Variants in DYNC1I1 observed in about 807,000 individuals in gnomAD.
DYNC1I1 encodes the protein dynein cytoplasmic 1 intermediate chain 1, also known as cytoplasmic dynein 1 intermediate chain 1.
Under a neutral mutation model 86.6 loss-of-function variants are expected in DYNC1I1, and 43 were observed. The observed-to-expected ratio is 0.50, with a 90% CI of 0.39 to 0.64. The LOEUF (loss-of-function observed/expected upper bound fraction) is 0.64, where lower values mean the gene tolerates loss of function less well. Among genes scored for constraint, DYNC1I1 ranks in the 30% least tolerant of loss-of-function variants. The pLI is 0.00. For synonymous variants in DYNC1I1, 262 were observed against 283.7 expected, an observed-to-expected ratio of 0.92 and a Z score of 0.77; for missense variants, 604 against 788.8, an observed-to-expected ratio of 0.77 and a Z score of 2.81.
intron 6 of DYNC1I1, among the ~76,000 whole-genome samples, chr7:95,938,179 G>A (rs539579924): frequency 3.9e-5 from 6 of 152,182 alleles, no homozygotes; most frequent in Non-Finnish European, 7.4e-5. Context: ...AGAAGGGCAA[G>A]GAGCATTTTT....
downstream of DYNC1I1, among the ~76,000 whole-genome samples, chr7:96,098,870 A>G (rs1791084651): frequency 6.6e-6 from 1 of 152,210 alleles, no homozygotes; most frequent in African/African-American, 2.4e-5. Flanking sequence ...AGTCATGAAA[A>G]ACATTCGAAG....
intron 16 of DYNC1I1, among the ~76,000 whole-genome samples, chr7:96,084,789 A>G (rs1790630481): frequency 6.6e-6 from 1 of 152,082 alleles, no homozygotes; most frequent in African/African-American, 2.4e-5. Context: ...TACATTATAA[A>G]CGTCAAGGTA....
At chr7:95,855,358 C>A (rs1789690475) in intron 5 of DYNC1I1, among the ~76,000 whole-genome samples, 1 of 152,124 alleles carries the variant, frequency 6.6e-6, no homozygotes, top group African/African-American at 2.4e-5. Context: ...CCCTTTCTAT[C>A]TTCAGAATCC....
intron 10 of DYNC1I1, among the ~76,000 whole-genome samples, chr7:96,013,773 A>C (rs767609431): frequency 6.6e-5 from 10 of 152,260 alleles, no homozygotes; most frequent in Admixed American, 1.3e-4. Flanking sequence ...AATTAATGCT[A>C]ATGCCTACCA....
intron 6 of DYNC1I1, among the ~76,000 whole-genome samples, chr7:95,933,993 CT>C (rs1791972321): frequency 6.6e-6 from 1 of 152,056 alleles, no homozygotes; most frequent in South Asian, 2.1e-4. Flanking sequence ...GGTTCACATT[CT>C]ATACAGTAGT....
chr7:95,882,569 A>G (rs1281749948), intron 6 of DYNC1I1, among the ~76,000 whole-genome samples: 1 of 152,176 alleles, frequency 6.6e-6, no homozygotes, highest in East Asian at 1.9e-4. Context: ...GGGCTGCTAG[A>G]AAGATCCTTG....
intron 5 of DYNC1I1, among the ~76,000 whole-genome samples, chr7:95,837,935 C>T (rs564814454): frequency 1.3e-5 from 2 of 152,326 alleles, no homozygotes; most frequent in South Asian, 4.1e-4. Context: ...TCTTCTGCGT[C>T]GCTCACGCTG....
At chr7:95,793,263 C>A (rs13236753) in intron 1 of DYNC1I1, among the ~76,000 whole-genome samples, 30,244 of 151,876 alleles carry the variant, frequency 0.2, 3,157 homozygotes, top group East Asian at 0.27. Flanking sequence ...ATTGGGAGGA[C>A]TTGAAAATTG....
intron 5 of DYNC1I1, among the ~76,000 whole-genome samples, chr7:95,861,975 A>AT (rs1789894239): frequency 6.6e-6 from 1 of 152,216 alleles, no homozygotes. Flanking sequence ...AAAATTAAGC[A>AT]TAGGAAAACT....
intron 12 of DYNC1I1, among the ~76,000 whole-genome samples, chr7:96,034,228 A>G (rs891924104): frequency 1.3e-5 from 2 of 152,096 alleles, no homozygotes; most frequent in Non-Finnish European, 2.9e-5. Context: ...CTTTAACATT[A>G]TAGAGGGCTG....
At chr7:95,827,787 G>C (rs1795233786) in intron 4 of DYNC1I1, among the ~76,000 whole-genome samples, 1 of 152,092 alleles carries the variant, frequency 6.6e-6, no homozygotes, top group African/African-American at 2.4e-5. Context: ...AAAGGGTAGG[G>C]GTGTGTGTGG....
chr7:95,822,224 G>C (rs1431684086), intron 4 of DYNC1I1, among the ~76,000 whole-genome samples: 1 of 152,140 alleles, frequency 6.6e-6, no homozygotes, highest in Non-Finnish European at 1.5e-5. Flanking sequence ...AAATAAAATT[G>C]AGCCAATGAA....
chr7:95,828,999 C>T (rs1421067657), intron 5 of DYNC1I1, among the ~76,000 whole-genome samples: 1 of 152,134 alleles, frequency 6.6e-6, no homozygotes, highest in Non-Finnish European at 1.5e-5. Flanking sequence ...TTCCTACAAG[C>T]AATTTATTAA....
intron 8 of DYNC1I1, 145 bp from the exon 9 acceptor site, chr7:95,986,911 T>C: frequency 1.5e-6 from 1 of 683,298 alleles, no homozygotes; most frequent in South Asian, 1.9e-5. Context: ...CTTTAGTTCA[T>C]TAATTTTGAT....
intron 16 of DYNC1I1, among the ~76,000 whole-genome samples, chr7:96,109,072 C>T (rs1791265005): frequency 6.6e-6 from 1 of 152,078 alleles, no homozygotes. Flanking sequence ...CTCTGTACTG[C>T]TGTCCCTGCT....
intron 2 of DYNC1I1, 151 bp downstream of exon 2, chr7:95,804,988 G>A: frequency 1.5e-6 from 2 of 1,369,622 alleles, no homozygotes; most frequent in Non-Finnish European, 1.9e-6. Context: ...TGGTAAAGTT[G>A]TTGCCCTCTG....
intron 5 of DYNC1I1, among the ~76,000 whole-genome samples, chr7:95,829,214 T>C (rs1036329948): frequency 3.1e-4 from 47 of 152,274 alleles, no homozygotes; most frequent in African/African-American, 1.1e-3. Flanking sequence ...ACTGTAGGTA[T>C]AAAAGGAGGT....
At chr7:95,876,320 G>C (rs770807023) in intron 6 of DYNC1I1, among the ~76,000 whole-genome samples, 1 of 152,144 alleles carries the variant, frequency 6.6e-6, no homozygotes, top group Non-Finnish European at 1.5e-5. Flanking sequence ...CTACCATGGA[G>C]TCTCAAGGTT....
intron 1 of DYNC1I1, among the ~76,000 whole-genome samples, chr7:95,794,308 C>T (rs1054621457): frequency 2.6e-5 from 4 of 152,130 alleles, no homozygotes; most frequent in African/African-American, 9.7e-5. Context: ...GTTTTATACT[C>T]TTTCAAGGAT....
Sources: gnomAD v4.1 joint callset for allele counts (sites outside exome capture counted in the v4.1 genomes callset) on GRCh38, gnomAD v4.1.1 for gene constraint, MANE v1.5 for transcripts, NCBI Gene and HGNC (gene_info 2026-07-23, HGNC 2026-07-21) for gene names.